Variants in NEBL observed in about 807,000 individuals in gnomAD.
The protein encoded by NEBL is nebulette.
NEBL carries 122 observed loss-of-function variants against 140.2 expected under a neutral mutation model. That is an observed-to-expected ratio of 0.87 (90% CI 0.75 to 1.01). The LOEUF (loss-of-function observed/expected upper bound fraction) is 1.01. NEBL is among the 50% of genes least tolerant of loss of function. NEBL has a pLI of 0.00. For missense variants in NEBL, 1,365 were observed against 1,231.3 expected (o/e 1.11, Z -1.62); for synonymous variants, 436 against 398.9 (o/e 1.09, Z -1.11).
intron 2 of NEBL, among the ~76,000 whole-genome samples, chr10:21,130,466 A>G (rs963519873): frequency 6.6e-6 from 1 of 152,206 alleles, no homozygotes; most frequent in Non-Finnish European, 1.5e-5. Flanking sequence ...TTTCAAACCC[A>G]CATGAGACAT....
intron 3 of NEBL, among the ~76,000 whole-genome samples, chr10:21,212,849 TTCAG>T (rs1401330192): frequency 2.0e-5 from 3 of 152,234 alleles, no homozygotes; most frequent in Non-Finnish European, 4.4e-5. Context: ...CTTCAAAACA[TTCAG>T]TCAGTTAACT....
intron 2 of NEBL, among the ~76,000 whole-genome samples, chr10:21,056,069 C>G (rs1040749504): frequency 6.6e-6 from 1 of 152,134 alleles, no homozygotes; most frequent in Non-Finnish European, 1.5e-5. Context: ...GAAAGAGCAA[C>G]TAGTACTTGC....
At chr10:20,961,692 T>C in exon 4 of NEBL, 1 of 1,612,878 alleles carries the variant, frequency 6.2e-7, no homozygotes, top group South Asian at 1.1e-5. Flanking sequence ...TGCTCCTGAG[T>C]CCTCTTCAGT....
At chr10:20,872,032 G>A (rs573480419) in intron 5 of NEBL, among the ~76,000 whole-genome samples, 10 of 152,128 alleles carry the variant, frequency 6.6e-5, no homozygotes, top group African/African-American at 2.4e-4. Context: ...CCGCAGGGGG[G>A]AAATGTCTTT....
intron 1 of NEBL, among the ~76,000 whole-genome samples, chr10:21,292,332 T>C (rs1286358574): frequency 1.3e-5 from 2 of 152,222 alleles, no homozygotes; most frequent in African/African-American, 4.8e-5. Flanking sequence ...GGGTATTAAA[T>C]GATTAATTGA....
At chr10:20,927,055 A>C (rs574404860) in intron 4 of NEBL, among the ~76,000 whole-genome samples, 1 of 152,302 alleles carries the variant, frequency 6.6e-6, no homozygotes, top group Admixed American at 6.5e-5. Context: ...GAGGAACTGG[A>C]GAGATTTGGA....
chr10:21,060,382 A>G (rs1032659788), intron 2 of NEBL, among the ~76,000 whole-genome samples: 1 of 152,210 alleles, frequency 6.6e-6, no homozygotes, highest in African/African-American at 2.4e-5. Flanking sequence ...AGAATTTTAG[A>G]GAGTCCTAGA....
Position 20,884,987 on chromosome 10 carries a change from C to T in NEBL, c.369+3110G>A, listed in dbSNP as rs564458618. ...GGCATTTCTTCCTTTCAGGCATTTT[C>T]TGTAAGTGTTCATCTAGCTAACTTT... On this transcript the variant is annotated intron_variant, in intron 4 of 27. Transcript: ENST00000377122. Among the ~76,000 whole-genome samples, 13 of 152,304 alleles carry T rather than the reference C, an allele frequency of 8.5e-5. No homozygotes were observed. In the South Asian group the frequency reaches 2.7e-3, roughly 32 times the overall value.
intron 3 of NEBL, among the ~76,000 whole-genome samples, chr10:21,004,692 C>T (rs1321355461): frequency 6.6e-6 from 1 of 151,712 alleles, no homozygotes; most frequent in Non-Finnish European, 1.5e-5. Flanking sequence ...TGCACTCCAG[C>T]CTGGGGCACA....
intron 3 of NEBL, among the ~76,000 whole-genome samples, chr10:21,202,697 C>T (rs1422604014): frequency 2.0e-5 from 3 of 151,904 alleles, no homozygotes; most frequent in East Asian, 3.9e-4. Flanking sequence ...TTCCTGACCT[C>T]GTGATCGCCC....
chr10:21,023,179 T>A (rs1838869787), intron 2 of NEBL, among the ~76,000 whole-genome samples: 1 of 152,222 alleles, frequency 6.6e-6, no homozygotes, highest in Non-Finnish European at 1.5e-5. Flanking sequence ...ATGTATTCTG[T>A]GGGATAAAGT....
chr10:20,999,251 A>G (rs1054829537), intron 3 of NEBL, among the ~76,000 whole-genome samples: 1 of 151,894 alleles, frequency 6.6e-6, no homozygotes, highest in Non-Finnish European at 1.5e-5. Flanking sequence ...TTGATTGCCC[A>G]ATTATGTGTG....
Position 21,217,072 on chromosome 10 carries a change from T to C in NEBL, n.348+30849A>G, listed in dbSNP as rs527239027. The stretch of plus-strand genomic sequence containing the variant: ...ATACCCCTGGGAAGGGGCTCTGCAC[T>C]GAGGGGACCTGATGTGAGTGTCGTT... On this transcript the variant is annotated intron_variant and non_coding_transcript_variant, in intron 3 of 8. Transcript: ENST00000675702. Among the ~76,000 whole-genome samples the C allele has an allele frequency of 2.6e-5, 4 of 152,308 alleles. No homozygotes were observed. The South Asian group carries it at 8.3e-4, about 32-fold the overall frequency.
rs35313485 is a variant in NEBL at position 21,093,483 on chromosome 10, G to GA, written c.165-73283dup. On this transcript the variant is annotated intron_variant, in intron 2 of 6. Transcript: ENST00000417816. ...GTTCATCAGTCCCTCCATCGGCACTGAAAAAATCCATCAGTGTTCATAAGC... is the reference window on the plus strand; with the variant it reads ...GTTCATCAGTCCCTCCATCGGCACTGAAAAAAATCCATCAGTGTTCATAAGC... Among the ~76,000 whole-genome samples the GA allele has an allele frequency of 5.4e-3, 824 of 152,246 alleles. 15 individuals are homozygous for GA. The highest frequency in any genetic ancestry group is 0.042 in the Admixed American group (636 of 15,278).
At chr10:20,929,817 A>C (rs1834094670) in intron 4 of NEBL, among the ~76,000 whole-genome samples, 1 of 152,332 alleles carries the variant, frequency 6.6e-6, no homozygotes, top group Admixed American at 6.5e-5. Context: ...TAATGAGTAC[A>C]GTGTATACTA....
At chr10:21,213,479 G>A (rs1281259222) in intron 3 of NEBL, among the ~76,000 whole-genome samples, 1 of 152,194 alleles carries the variant, frequency 6.6e-6, no homozygotes, top group African/African-American at 2.4e-5. Context: ...AAACAACACT[G>A]TCTGAATGCC....
At chr10:21,278,397 T>C (rs956357182) in intron 1 of NEBL, among the ~76,000 whole-genome samples, 1 of 152,258 alleles carries the variant, frequency 6.6e-6, no homozygotes, top group South Asian at 2.1e-4. Flanking sequence ...TGAGCTATGA[T>C]GGCACCACTG....
At chr10:20,785,972 C>A (rs1445593675) in intron 27 of NEBL, 49 bp from the exon 28 acceptor site, 1 of 1,560,980 alleles carries the variant, frequency 6.4e-7, no homozygotes, top group African/African-American at 1.4e-5. Context: ...ATAGCTACAG[C>A]CACAAATTCC....
intron 2 of NEBL, among the ~76,000 whole-genome samples, chr10:21,102,319 A>C (rs1837514637): frequency 6.6e-6 from 1 of 152,192 alleles, no homozygotes; most frequent in African/African-American, 2.4e-5. Flanking sequence ...TGCACAACTT[A>C]ATGGATTTTG....
Sources: gnomAD v4.1 joint callset for allele counts (sites outside exome capture counted in the v4.1 genomes callset) on GRCh38, gnomAD v4.1.1 for gene constraint, MANE v1.5 for transcripts, NCBI Gene and HGNC (gene_info 2026-07-23, HGNC 2026-07-21) for gene names.